Variants in PRELID3B observed in about 807,000 individuals in gnomAD.
PRELID3B encodes the protein PRELI domain containing protein 3B.
In PRELID3B, 15 loss-of-function variants were observed where a neutral mutation model predicts 24.0. The ratio of observed to expected loss-of-function variants is 0.63; its 90% CI spans 0.42 to 0.96. PRELID3B has a LOEUF of 0.96. Among genes scored for constraint, PRELID3B ranks in the 40% least tolerant of loss-of-function variants. The pLI is 0.00. For synonymous variants in PRELID3B, 62 were observed against 76.0 expected, an observed-to-expected ratio of 0.82 and a Z score of 0.96; for missense variants, 189 against 236.0, an observed-to-expected ratio of 0.80 and a Z score of 1.30.
chr20:59,036,079 G>A (rs1248674638), intron 5 of PRELID3B, among the ~76,000 whole-genome samples: 1 of 152,100 alleles, frequency 6.6e-6, no homozygotes, highest in Non-Finnish European at 1.5e-5. Context: ...AGTTGTGGGG[G>A]AGACAACAGT....
intron 3 of PRELID3B, among the ~76,000 whole-genome samples, 191 bp downstream of exon 3, chr20:59,037,000 C>T (rs2092077890): frequency 6.6e-6 from 1 of 152,144 alleles, no homozygotes; most frequent in South Asian, 2.1e-4. Flanking sequence ...GTGCTATCCC[C>T]TTAGAGATAG....
chr20:59,038,583 A>C lies in PRELID3B; in HGVS notation c.84T>G (p.Pro28=). ...CAACTCCAACCACACTTGGGTTCAT[A>C]GGGTTTGGGTATTTCTGCATTGCAG... ...TTAAMQKYPN[P]MNPSVVGVDV... Residue 28 remains proline (P), a synonymous_variant, in exon 2 of 6, where the codon CCT becomes CCG. Transcript: ENST00000355937. The C allele has an allele frequency of 1.2e-6, 2 of 1,611,468 alleles. No homozygotes were observed. Among genetic ancestry groups the C allele is most frequent in the South Asian group, 2.2e-5 (2 of 90,972 alleles).
chr20:59,035,087 CATTTA>C lies in PRELID3B; in HGVS notation c.500_504del (p.Leu167CysfsTer2), dbSNP rs763303920. On this transcript the variant is annotated frameshift_variant, in exon 6 of 6. Transcript: ENST00000355937. LOFTEE classifies it high-confidence loss of function. ...GAGGCTGTCAGTTCTTCAATCTCAG[CATTTA>C]ATTTATGTATTACCCATTCCATTGC... is the stretch of plus-strand genomic sequence containing the variant. 1.9e-6 allele frequency: 3 copies of C among 1,613,772 alleles called. No individual in the cohort carries two copies. The highest frequency in any genetic ancestry group is 1.7e-5 in the Admixed American group (1 of 59,946).
chr20:59,037,017 T>C (rs960005457), intron 3 of PRELID3B, among the ~76,000 whole-genome samples, 174 bp downstream of exon 3: 1 of 152,090 alleles, frequency 6.6e-6, no homozygotes, highest in Non-Finnish European at 1.5e-5. Context: ...ATAGGCAAGA[T>C]CATGAGAGCA....
chr20:59,036,813 C>T, intron 3 of PRELID3B, 53 bp from the exon 4 acceptor site: 1 of 1,206,902 alleles, frequency 8.3e-7, no homozygotes. Context: ...ACTGAAGATT[C>T]AAAATGTTGC....
rs1215734370 is a variant in PRELID3B at position 59,033,813 on chromosome 20, T to C, written c.*1194A>G. ...TTTAGTAGTTAATTGCCTGCTACAA[T>C]ACATAAAACAAAGTACATTTACTGG... On this transcript the variant is annotated 3_prime_UTR_variant, in exon 6 of 6. Coordinates refer to ENST00000355937, the MANE Select transcript of PRELID3B (RefSeq NM_016045.3). 1 of 152,216 alleles carries C rather than the reference T, an allele frequency of 6.6e-6. No homozygotes were observed. The highest frequency in any genetic ancestry group is 1.5e-5 in the Non-Finnish European group (1 of 68,024). The allele number at this position is 152,216 out of a possible 1,614,324, so 9.4% of individuals were successfully genotyped here.
In PRELID3B at chr20:59,034,008, A is replaced by T. The variant is rs935287135; in HGVS notation, c.*999T>A. 10 of 152,206 alleles carry T rather than the reference A, an allele frequency of 6.6e-5. No individual in the cohort carries two copies. Among genetic ancestry groups the T allele is most frequent in the Admixed American group, 4.6e-4 (7 of 15,274 alleles). The allele number at this position is 152,206 out of a possible 1,614,324, so 9.4% of individuals were successfully genotyped here. On this transcript the variant is annotated 3_prime_UTR_variant, in exon 6 of 6. Transcript: ENST00000355937. The stretch of plus-strand genomic sequence containing the variant: ...AATCCTGCAGTGGCACCATATTATT[A>T]AAAACACTAAGTACCTGGGATTTAT...
rs547199356 is a variant in PRELID3B, at chr20:59,034,926, T to C, written c.*81A>G. 1.6e-6 allele frequency: 2 copies of C among 1,270,450 alleles called. No individual in the cohort carries two copies. Among genetic ancestry groups the C allele is most frequent in the East Asian group, 2.8e-5 (1 of 35,912 alleles). The allele number at this position is 1,270,450 out of a possible 1,614,324, so 78.7% of individuals were successfully genotyped here. ...AAAAAAAAACTACCCAAAATATAGT[T>C]GTATTTTTAAAATAACAAATAAATA... On this transcript the variant is annotated 3_prime_UTR_variant, in exon 6 of 6. Transcript: ENST00000355937.
At chr20:59,039,009 T>C in intron 1 of PRELID3B, among the ~76,000 whole-genome samples, 1 of 152,232 alleles carries the variant, frequency 6.6e-6, no homozygotes, top group East Asian at 1.9e-4. Context: ...AAAGTATCAT[T>C]ATGCCATTTA....
Position 59,038,640 on chromosome 20 carries a change from G to T in PRELID3B, c.33-6C>A. 2 of 1,473,398 alleles carry T rather than the reference G, an allele frequency of 1.4e-6. No homozygotes were observed. Among genetic ancestry groups the T allele is most frequent in the South Asian group, 1.3e-5 (1 of 75,100 alleles). The allele number at this position is 1,473,398 out of a possible 1,614,324, so 91.3% of individuals were successfully genotyped here. On this transcript the variant is annotated splice_region_variant and splice_polypyrimidine_tract_variant and intron_variant, in intron 1 of 5. Transcript: ENST00000355937. ...TAACAGTTTCCCACGGGTGGCTGCCGATGTGAACCAAAAAAAAAAAAAAAA... is the reference window on the plus strand; with the variant it reads ...TAACAGTTTCCCACGGGTGGCTGCCTATGTGAACCAAAAAAAAAAAAAAAA...
At chr20:59,038,887 A>C (rs1053974641) in intron 1 of PRELID3B, among the ~76,000 whole-genome samples, 1 of 151,376 alleles carries the variant, frequency 6.6e-6, no homozygotes, top group Non-Finnish European at 1.5e-5. Context: ...AGCAGTCTAC[A>C]CCATCTTTCC....
rs151357 is a variant in PRELID3B at position 59,034,000 on chromosome 20, A to G, written c.*1007T>C. ...CGCCCCCAAATCCTGCAGTGGCACCATATTATTAAAAACACTAAGTACCTG... is the reference window on the plus strand; with the variant it reads ...CGCCCCCAAATCCTGCAGTGGCACCGTATTATTAAAAACACTAAGTACCTG... On this transcript the variant is annotated 3_prime_UTR_variant, in exon 6 of 6. Coordinates refer to ENST00000355937, the MANE Select transcript of PRELID3B (RefSeq NM_016045.3). The G allele has an allele frequency of 0.19, 28,361 of 152,074 alleles. 2,749 individuals carry two copies. Among genetic ancestry groups the G allele is most frequent in the Non-Finnish European group, 0.2 (13,659 of 67,990 alleles). 9.4% of individuals were successfully genotyped at this position (152,074 alleles called of 1,614,324 possible). A position where few individuals can be genotyped will look rare whatever the true frequency, so the allele number is the denominator to read the frequency against.
In PRELID3B at chr20:59,038,463, T is replaced by C; in HGVS notation, c.201+3A>G. 2 of 1,611,908 alleles carry C rather than the reference T, an allele frequency of 1.2e-6. No homozygotes were observed. The highest frequency in any genetic ancestry group is 1.7e-6 in the Non-Finnish European group (2 of 1,179,182). On this transcript the variant is annotated splice_donor_region_variant and intron_variant, in intron 2 of 5. Coordinates refer to ENST00000355937, the MANE Select transcript of PRELID3B (RefSeq NM_016045.3). Reference sequence around the variant, plus strand: ...ATTTCTCCGGGAATAAAGACACACTTACAGACTTCACAATGGAAGGCAGTC... The same window carrying C: ...ATTTCTCCGGGAATAAAGACACACTCACAGACTTCACAATGGAAGGCAGTC...
At chr20:59,039,183 C>G (rs2092095168) in intron 1 of PRELID3B, among the ~76,000 whole-genome samples, 2 of 152,280 alleles carry the variant, frequency 1.3e-5, no homozygotes, top group Admixed American at 1.3e-4. Flanking sequence ...AATGGCTCCT[C>G]CAGTCAATCT....
In PRELID3B at chr20:59,040,834, C is replaced by T. The variant is rs1268707167; in HGVS notation, c.32+1865G>A. ...CTGGGTGCCATAAATGTATACCTAT[C>T]ATTTGGGACTTTGACCAAACAGCTC... On this transcript the variant is annotated intron_variant, in intron 1 of 5. Transcript: ENST00000355937. The surrounding 1 kb of genome is among the most constrained non-coding windows in gnomAD (Gnocchi z 4.1). Among the ~76,000 whole-genome samples the T allele has an allele frequency of 6.6e-6, 1 of 152,092 alleles. No homozygotes were observed. The highest frequency in any genetic ancestry group is 2.4e-5 in the African/African-American group (1 of 41,406).
chr20:59,036,176 C>A (rs1468612504), intron 5 of PRELID3B, among the ~76,000 whole-genome samples: 1 of 152,186 alleles, frequency 6.6e-6, no homozygotes, highest in Non-Finnish European at 1.5e-5. Flanking sequence ...AGGCTACACA[C>A]TTTCCATATG....
chr20:59,036,394 C>T, intron 5 of PRELID3B, 77 bp downstream of exon 5: 2 of 1,101,230 alleles, frequency 1.8e-6, no homozygotes, highest in Non-Finnish European at 2.8e-6. Flanking sequence ...CTTACAAGGA[C>T]ACACATGCAG....
Position 59,042,778 on chromosome 20 carries a change from G to C in PRELID3B, c.-48C>G. ...TCCGGGTAGCGCCAGGGGACAACGA[G>C]GCACAGAGGCTACACCTGCCCCTGC... On this transcript the variant is annotated 5_prime_UTR_variant, in exon 1 of 6. Transcript: ENST00000355937. The C allele has an allele frequency of 1.9e-6, 3 of 1,576,762 alleles. No individual in the cohort carries two copies. The highest frequency in any genetic ancestry group is 1.9e-5 in the Admixed American group (1 of 53,592).
At position 59,034,756 on chromosome 20, in the gene PRELID3B, T is replaced by G. The variant is rs1046818231; in HGVS notation, c.*251A>C. ...AATACCAGTTTCCAAGGAGTTCTTG[T>G]TGAATTTTCACAGAAATACTGGAAC... On this transcript the variant is annotated 3_prime_UTR_variant, in exon 6 of 6. Coordinates refer to ENST00000355937, the MANE Select transcript of PRELID3B (RefSeq NM_016045.3). The G allele has an allele frequency of 2.8e-6, 1 of 355,780 alleles. No individual in the cohort carries two copies. Among genetic ancestry groups the G allele is most frequent in the East Asian group, 4.7e-5 (1 of 21,166 alleles). 22.0% of individuals were successfully genotyped at this position (355,780 alleles called of 1,614,324 possible).
Sources: allele counts gnomAD v4.1 joint callset (sites outside exome capture counted in the v4.1 genomes callset), GRCh38; gene constraint gnomAD v4.1.1; non-coding constraint Gnocchi (gnomAD v3.1); transcripts MANE v1.5; gene names NCBI Gene and HGNC (gene_info 2026-07-23, HGNC 2026-07-21).